Variants in MYO6 observed in about 807,000 individuals in gnomAD.
MYO6 encodes unconventional myosin-VI.
Under a neutral mutation model 178.7 loss-of-function variants are expected in MYO6, and 74 were observed. The observed-to-expected ratio is 0.41, with a 90% CI of 0.34 to 0.50. The LOEUF (loss-of-function observed/expected upper bound fraction) is 0.50. Ranked by LOEUF, MYO6 falls within the 20% of genes least tolerant of loss-of-function variation. The pLI, the probability that MYO6 is intolerant of heterozygous loss-of-function variation, is 0.09. For missense variants in MYO6, 1,330 were observed against 1,547.4 expected, an observed-to-expected ratio of 0.86 and a Z score of 2.36; for synonymous variants, 477 against 504.6, an observed-to-expected ratio of 0.95 and a Z score of 0.73.
At chr6:75,870,566 G>T in intron 18 of MYO6, 81 bp from the exon 19 acceptor site, 1 of 1,069,022 alleles carries the variant, frequency 9.4e-7, no homozygotes, top group Non-Finnish European at 1.4e-6. Context: ...TTTTATTCCA[G>T]TACTGGAGAG....
chr6:75,789,879 C>T (rs1472557104), intron 1 of MYO6, among the ~76,000 whole-genome samples: 1 of 152,188 alleles, frequency 6.6e-6, no homozygotes, highest in East Asian at 1.9e-4. Flanking sequence ...ACAACCTCTC[C>T]TGGTCCTCCC....
At chr6:75,893,798 A>T (rs1222338020) in intron 28 of MYO6, among the ~76,000 whole-genome samples, 10 of 152,236 alleles carry the variant, frequency 6.6e-5, no homozygotes, top group Non-Finnish European at 1.3e-4. Flanking sequence ...TGTTATAATT[A>T]TTAAGCTCTT....
At chr6:75,865,516 A>C (rs1776587924) in intron 16 of MYO6, among the ~76,000 whole-genome samples, 1 of 151,352 alleles carries the variant, frequency 6.6e-6, no homozygotes, top group African/African-American at 2.4e-5. Flanking sequence ...GGCCTGCTCC[A>C]CCATGCCTGG....
At position 75,774,424 on chromosome 6, in the gene MYO6, C is replaced by T. The variant is rs1023546298; in HGVS notation, c.-48+25001C>T. 8.5e-5 allele frequency among the ~76,000 whole-genome samples: 13 copies of T among 152,224 alleles called. No homozygotes were observed. The East Asian group carries it at 1.7e-3, about 20-fold the overall frequency. Reference sequence around the variant, plus strand: ...ATCTTTACTTTTGACATGTTCTTTTCATGCATTTCTGTCTTTCTACCACTA... The same window carrying T: ...ATCTTTACTTTTGACATGTTCTTTTTATGCATTTCTGTCTTTCTACCACTA... On this transcript the variant is annotated intron_variant, in intron 1 of 34. Transcript: ENST00000369977.
At chr6:75,817,376 A>G in intron 1 of MYO6, 125 bp from the exon 2 acceptor site, 1 of 630,312 alleles carries the variant, frequency 1.6e-6, no homozygotes, top group Admixed American at 2.4e-5. Context: ...TGGGGATTTT[A>G]TGTGGCATGG....
chr6:75,789,640 T>C (rs1190621393), intron 1 of MYO6, among the ~76,000 whole-genome samples: 1 of 152,164 alleles, frequency 6.6e-6, no homozygotes, highest in African/African-American at 2.4e-5. Context: ...AATTGACACA[T>C]AATTGTACAT....
chr6:75,798,170 G>T (rs577864139), intron 1 of MYO6, among the ~76,000 whole-genome samples: 5 of 152,276 alleles, frequency 3.3e-5, no homozygotes, highest in African/African-American at 1.2e-4. Context: ...TATGGTGAAA[G>T]GTAGGGGTCC....
intron 28 of MYO6, chr6:75,894,708 G>A (rs770991164): frequency 7.4e-6 from 5 of 677,328 alleles, no homozygotes; most frequent in African/African-American, 1.9e-5. Context: ...TAAGTAAACT[G>A]TTCTTAATCT....
intron 23 of MYO6, among the ~76,000 whole-genome samples, chr6:75,883,614 G>A (rs1205291738): frequency 6.6e-6 from 1 of 152,072 alleles, no homozygotes; most frequent in African/African-American, 2.4e-5. Context: ...TGACATACTG[G>A]GCTAAGCTGC....
chr6:75,830,578 C>G (rs367574071), intron 5 of MYO6, 33 bp downstream of exon 5: 29 of 1,588,116 alleles, frequency 1.8e-5, no homozygotes, highest in African/African-American at 2.7e-5. Flanking sequence ...TAATTCTTGT[C>G]TTTCTTTATA....
intron 9 of MYO6, among the ~76,000 whole-genome samples, chr6:75,842,888 T>C (rs1398250884): frequency 6.6e-6 from 1 of 152,154 alleles, no homozygotes; most frequent in African/African-American, 2.4e-5. Context: ...CCTGGTACAA[T>C]GGCAGGCATC....
intron 1 of MYO6, among the ~76,000 whole-genome samples, chr6:75,759,425 C>T (rs765447349): frequency 6.6e-6 from 1 of 152,112 alleles, no homozygotes; most frequent in Non-Finnish European, 1.5e-5. Context: ...ATTACCAGAG[C>T]AGAAAGCTGG....
chr6:75,805,411 T>G (rs879674455), intron 1 of MYO6, among the ~76,000 whole-genome samples: 3 of 152,194 alleles, frequency 2.0e-5, no homozygotes. Flanking sequence ...CCTGTAGTAT[T>G]TAATACATAG....
intron 1 of MYO6, among the ~76,000 whole-genome samples, chr6:75,769,085 G>T (rs551684848): frequency 2.0e-5 from 3 of 152,300 alleles, no homozygotes; most frequent in Middle Eastern, 3.4e-3. Context: ...ATTTGTGGGG[G>T]TGGCACCAAG....
In MYO6 at chr6:75,900,780, T is replaced by C. The variant is rs543310829; in HGVS notation, c.3176+2369T>C. Among the ~76,000 whole-genome samples, 5 of 151,630 alleles carry C rather than the reference T, an allele frequency of 3.3e-5. No homozygotes were observed. In the East Asian group the frequency reaches 9.7e-4, roughly 29 times the overall value. On this transcript the variant is annotated intron_variant, in intron 30 of 34. Coordinates refer to ENST00000369977, the MANE Select transcript of MYO6 (RefSeq NM_004999.4). ...ATTTTGGCTTTTGTTGCCATTGCTT[T>C]TGGTGTTTTAGACATGAAGTCCTTG...
chr6:75,754,694 C>G (rs893950197), intron 1 of MYO6, among the ~76,000 whole-genome samples: 1 of 152,030 alleles, frequency 6.6e-6, no homozygotes, highest in African/African-American at 2.4e-5. Flanking sequence ...ACTGATTCCT[C>G]CCTGTGCTGG....
chr6:75,788,391 A>G (rs926065172), intron 1 of MYO6, among the ~76,000 whole-genome samples: 2 of 152,110 alleles, frequency 1.3e-5, no homozygotes, highest in African/African-American at 2.4e-5. Flanking sequence ...TTCCAGAACC[A>G]CGTTCTAGCA....
chr6:75,833,073 ACCT>A (rs1032372340), intron 6 of MYO6, 126 bp downstream of exon 6: 3 of 699,386 alleles, frequency 4.3e-6, no homozygotes, highest in Non-Finnish European at 7.7e-6. Context: ...TGTAGCCTTG[ACCT>A]CCTGGGCTCA....
chr6:75,903,411 T>A (rs919735371), intron 30 of MYO6, among the ~76,000 whole-genome samples: 9 of 151,458 alleles, frequency 5.9e-5, no homozygotes, highest in African/African-American at 9.7e-5. Flanking sequence ...TGGGTGCTCC[T>A]GTATTGGGTG....
Sources: gnomAD v4.1 joint callset for allele counts (sites outside exome capture counted in the v4.1 genomes callset) on GRCh38, gnomAD v4.1.1 for gene constraint, MANE v1.5 for transcripts, NCBI Gene and HGNC (gene_info 2026-07-23, HGNC 2026-07-21) for gene names.